DOCK5: variants seen among roughly 807,000 people sequenced by gnomAD.
DOCK5 encodes dedicator of cytokinesis protein 5.
DOCK5 carries 142 observed loss-of-function variants against 251.8 expected under a neutral mutation model. That is an observed-to-expected ratio of 0.56 (90% CI 0.49 to 0.65). DOCK5 has a LOEUF of 0.65. DOCK5 is among the 30% of genes least tolerant of loss of function. The pLI is 0.00. For missense variants in DOCK5, 2,111 were observed against 2,312.3 expected (o/e 0.91, Z 1.79); for synonymous variants, 842 against 835.5 (o/e 1.01, Z -0.13).
chr8:25,319,636 A>T lies in DOCK5; in HGVS notation c.1502A>T (p.Tyr501Phe). 1 of 1,591,458 alleles carries T rather than the reference A, an allele frequency of 6.3e-7. No homozygotes were observed. The highest frequency in any genetic ancestry group is 1.2e-5 in the South Asian group (1 of 86,782). ...EGISEYKSVV[Y>F]YQVKQPCWYE... ...ATTTCAGAATACAAATCAGTAGTCT[A>T]TTACCAAGTCAAGCAGCCCTGTTGG... The change falls in exon 15 of 52, where the codon TAT (tyrosine) becomes TTT (phenylalanine). Residue 501 changes from tyrosine to phenylalanine, a missense_variant. By Grantham distance (22) the Tyr-to-Phe change is conservative. Transcript: ENST00000276440.
intron 34 of DOCK5, among the ~76,000 whole-genome samples, chr8:25,371,581 T>A (rs1229539079): frequency 6.6e-6 from 1 of 152,272 alleles, no homozygotes; most frequent in Non-Finnish European, 1.5e-5. Flanking sequence ...TGGTCTTTTT[T>A]ATCCTGTTTC....
At chr8:25,319,430 T>G in intron 14 of DOCK5, 148 bp from the exon 15 acceptor site, 1 of 524,516 alleles carries the variant, frequency 1.9e-6, no homozygotes, top group Non-Finnish European at 3.4e-6. Flanking sequence ...TCTCTGTTCT[T>G]CATCCCCCAA....
chr8:25,278,479 C>A, intron 4 of DOCK5, 90 bp from the exon 5 acceptor site: 1 of 1,306,832 alleles, frequency 7.7e-7, no homozygotes, highest in Non-Finnish European at 1.1e-6. Context: ...GCTTCATTCT[C>A]AACCTTGAAC....
intron 43 of DOCK5, 105 bp downstream of exon 43, chr8:25,392,085 C>G (rs977281926): frequency 2.8e-6 from 3 of 1,064,734 alleles, no homozygotes; most frequent in South Asian, 3.0e-5. Context: ...GGGCGGATCA[C>G]GAAGTCAAGA....
At chr8:25,380,531 A>G (rs112382754) in intron 39 of DOCK5, 137 bp downstream of exon 39, 5 of 734,198 alleles carry the variant, frequency 6.8e-6, no homozygotes, top group African/African-American at 5.3e-5. Flanking sequence ...TTGAAATGAG[A>G]ATGAAAAAAG....
At position 25,322,115 on chromosome 8, in the gene DOCK5, C is replaced by T. The variant is rs1373677211; in HGVS notation, c.1615+1063C>T. ...TTCGCACTGCATAAAAATGTAACCC[C>T]TCCTTCCAAAAATGCATGTGTTGAA... On this transcript the variant is annotated intron_variant, in intron 16 of 51. Coordinates refer to ENST00000276440, the MANE Select transcript of DOCK5 (RefSeq NM_024940.8). Among the ~76,000 whole-genome samples, 9 of 152,204 alleles carry T rather than the reference C, an allele frequency of 5.9e-5. 1 individual carries two copies. Among genetic ancestry groups the T allele is most frequent in the Admixed American group, 4.6e-4 (7 of 15,278 alleles).
At chr8:25,391,197 C>CTGTGTG (rs760981712) in intron 42 of DOCK5, among the ~76,000 whole-genome samples, 43 of 22,912 alleles carry the variant, frequency 1.9e-3, no homozygotes, top group African/African-American at 2.1e-3. Flanking sequence ...ACCACCACAC[C>CTGTGTG]TGTGTGTGTG....
At position 25,351,741 on chromosome 8, in the gene DOCK5, C is replaced by T. The variant is rs757392639; in HGVS notation, c.2765C>T (p.Ala922Val). 61 of 1,613,320 alleles carry T rather than the reference C, an allele frequency of 3.8e-5. No homozygotes were observed. In the South Asian group the frequency reaches 4.2e-4, roughly 11 times the overall value. The change falls in exon 27 of 52, where the codon GCG becomes GTG. Residue 922 changes from alanine (A) to valine (V), a missense_variant. Around this residue, in one of 3 missense-constraint regions of DOCK5, gnomAD observed 1,717 missense variants for 1,892.4 expected, o/e 0.91. Coordinates refer to ENST00000276440, the MANE Select transcript of DOCK5 (RefSeq NM_024940.8). ...VLDRKDVGAT[A>V]VHIQLIMERL... ...CTGTGTTCCCTGCAGGGTGCCACTG[C>T]GGTGCACATTCAGCTTATAATGGAA... is the stretch of plus-strand genomic sequence containing the variant.
chr8:25,252,316 A>C (rs1803293237), intron 2 of DOCK5, among the ~76,000 whole-genome samples: 2 of 152,370 alleles, frequency 1.3e-5, no homozygotes, highest in South Asian at 4.1e-4. Flanking sequence ...AATGTGTAAA[A>C]GTTTACTGGA....
chr8:25,231,252 A>G (rs917297525), intron 1 of DOCK5, among the ~76,000 whole-genome samples: 3 of 152,136 alleles, frequency 2.0e-5, no homozygotes, highest in East Asian at 1.9e-4. Context: ...ATAGAATTCT[A>G]TATCTGAATA....
At chr8:25,388,011 T>A (rs991333785) in intron 40 of DOCK5, among the ~76,000 whole-genome samples, 3 of 152,208 alleles carry the variant, frequency 2.0e-5, no homozygotes, top group African/African-American at 7.2e-5. Context: ...TCCCATAGAC[T>A]TTTCCTAACT....
intron 3 of DOCK5, chr8:25,270,843 T>C (rs1803889352): frequency 1.4e-6 from 1 of 708,754 alleles, no homozygotes; most frequent in Non-Finnish European, 2.6e-6. Flanking sequence ...CTCAAGTCTC[T>C]GATATAAAAT....
chr8:25,346,531 AAC>A (rs1329848507), intron 26 of DOCK5, among the ~76,000 whole-genome samples: 1 of 150,544 alleles, frequency 6.6e-6, no homozygotes, highest in Non-Finnish European at 1.5e-5. Flanking sequence ...CCCTCTTGAA[AAC>A]ACAGGGCTAA....
chr8:25,288,339 G>T (rs552512689), intron 5 of DOCK5, among the ~76,000 whole-genome samples: 1 of 152,340 alleles, frequency 6.6e-6, no homozygotes, highest in South Asian at 2.1e-4. Context: ...TCTCCTTGAA[G>T]TGAATGGGGA....
chr8:25,239,208 A>T (rs1186887809), intron 1 of DOCK5, among the ~76,000 whole-genome samples: 1 of 152,148 alleles, frequency 6.6e-6, no homozygotes, highest in Non-Finnish European at 1.5e-5. Context: ...AATTTCGCAG[A>T]TAGTGGAGAC....
chr8:25,276,422 A>C (rs892255908), intron 4 of DOCK5, among the ~76,000 whole-genome samples: 2 of 152,174 alleles, frequency 1.3e-5, no homozygotes, highest in Non-Finnish European at 2.9e-5. Flanking sequence ...ACAGCTAAGA[A>C]GAGTGAGCTA....
chr8:25,229,517 T>A (rs1361068810), intron 1 of DOCK5, among the ~76,000 whole-genome samples: 3 of 152,162 alleles, frequency 2.0e-5, no homozygotes, highest in Non-Finnish European at 4.4e-5. Context: ...ATTTAAGTTT[T>A]CATTTCTTTT....
intron 48 of DOCK5, among the ~76,000 whole-genome samples, chr8:25,406,916 G>T (rs1041552577): frequency 6.6e-6 from 1 of 151,948 alleles, no homozygotes; most frequent in Non-Finnish European, 1.5e-5. Flanking sequence ...GTGAGCCACC[G>T]TGCCTGGCTG....
chr8:25,272,565 G>A (rs1256560956), intron 3 of DOCK5, among the ~76,000 whole-genome samples: 6 of 152,148 alleles, frequency 3.9e-5, no homozygotes, highest in Non-Finnish European at 5.9e-5. Flanking sequence ...ATGTTCCTTT[G>A]TAGTAGCAGT....
Sources: gnomAD v4.1 joint callset for allele counts (sites outside exome capture counted in the v4.1 genomes callset) on GRCh38, gnomAD v4.1.1 for gene constraint, gnomAD v4.1.1 regional missense constraint, MANE v1.5 for transcripts, NCBI Gene and HGNC (gene_info 2026-07-23, HGNC 2026-07-21) for gene names.